The following GMDS variants were observed in gnomAD, a reference collection of about 807,000 sequenced individuals.
GMDS encodes the protein GDP-mannose 4,6 dehydratase.
In GMDS, 20 loss-of-function variants were observed where a neutral mutation model predicts 49.9. That is an observed-to-expected ratio of 0.40 (90% CI 0.28 to 0.58). The LOEUF (loss-of-function observed/expected upper bound fraction) is 0.58. GMDS is among the 20% of genes least tolerant of loss of function. The pLI, the probability that GMDS is intolerant of heterozygous loss-of-function variation, is 0.42. For missense variants in GMDS, 362 were observed against 481.4 expected, an observed-to-expected ratio of 0.75 and a Z score of 2.32; for synonymous variants, 177 against 178.6, an observed-to-expected ratio of 0.99 and a Z score of 0.07.
chr6:2,154,612 C>T (rs547219768), intron 1 of GMDS, among the ~76,000 whole-genome samples: 1 of 152,082 alleles, frequency 6.6e-6, no homozygotes, highest in East Asian at 1.9e-4. Context: ...TTAGGCCACT[C>T]GACTCCAGAC....
At chr6:2,060,769 C>T (rs899668374) in intron 4 of GMDS, among the ~76,000 whole-genome samples, 2 of 152,224 alleles carry the variant, frequency 1.3e-5, no homozygotes, top group Admixed American at 6.5e-5. Context: ...GTGACTCACA[C>T]CTGTAATCCC....
In GMDS at chr6:2,133,914, G is replaced by A. The variant is rs566660908; in HGVS notation, c.103-9183C>T. 4.6e-5 allele frequency among the ~76,000 whole-genome samples: 7 copies of A among 152,294 alleles called. No homozygotes were observed. In the East Asian group the frequency reaches 1.3e-3, roughly 29 times the overall value. ...CACAAAGAATGTTGATTTCACCGGG[G>A]TGTGGTGACTGGGGATAGGCACACC... On this transcript the variant is annotated intron_variant, in intron 1 of 10. Transcript: ENST00000380815.
At chr6:1,808,902 C>CTGTGTGTGTGTG (rs530398323) in intron 7 of GMDS, among the ~76,000 whole-genome samples, 2 of 127,246 alleles carry the variant, frequency 1.6e-5, no homozygotes, top group Admixed American at 7.7e-5. Flanking sequence ...TGCATGCTCT[C>CTGTGTGTGTGTG]TCTGTGTGTG....
intron 4 of GMDS, among the ~76,000 whole-genome samples, chr6:2,076,574 T>C (rs926695639): frequency 1.3e-5 from 2 of 152,020 alleles, no homozygotes; most frequent in African/African-American, 2.4e-5. Context: ...TATAGACCAA[T>C]GGAACAGAAC....
chr6:1,629,288 G>A (rs1457952354), intron 9 of GMDS, among the ~76,000 whole-genome samples: 1 of 152,160 alleles, frequency 6.6e-6, no homozygotes, highest in African/African-American at 2.4e-5. Context: ...TGTTAACAGC[G>A]GTAATGAACA....
At chr6:2,027,364 C>T (rs1199149929) in intron 4 of GMDS, among the ~76,000 whole-genome samples, 1 of 152,146 alleles carries the variant, frequency 6.6e-6, no homozygotes, top group Non-Finnish European at 1.5e-5. Context: ...CAACCCAGGG[C>T]TTAATTAATA....
chr6:2,016,077 A>T (rs905583734), intron 4 of GMDS, among the ~76,000 whole-genome samples: 45 of 101,018 alleles, frequency 4.5e-4, no homozygotes, highest in Admixed American at 1.4e-3. Flanking sequence ...TAAAAAAAAA[A>T]AAAATAAATT....
chr6:2,165,770 G>A (rs931383033), intron 1 of GMDS, among the ~76,000 whole-genome samples: 3 of 152,088 alleles, frequency 2.0e-5, no homozygotes, highest in African/African-American at 4.8e-5. Flanking sequence ...AAAATATATA[G>A]AGTTGAGACA....
chr6:1,728,674 T>G (rs1766679977), intron 8 of GMDS, among the ~76,000 whole-genome samples: 1 of 152,164 alleles, frequency 6.6e-6, no homozygotes, highest in Non-Finnish European at 1.5e-5. Flanking sequence ...TTTTCTTGTT[T>G]TAGGAGGGAG....
chr6:1,837,690 G>C (rs1756986591), intron 7 of GMDS, among the ~76,000 whole-genome samples: 1 of 152,192 alleles, frequency 6.6e-6, no homozygotes, highest in South Asian at 2.1e-4. Context: ...GACTGCCATA[G>C]GGGCCAAAGA....
chr6:1,780,218 A>G (rs1269546774), intron 7 of GMDS, among the ~76,000 whole-genome samples: 1 of 152,218 alleles, frequency 6.6e-6, no homozygotes, highest in Non-Finnish European at 1.5e-5. Context: ...TGTTTTCTAA[A>G]TAATGATTTC....
intron 4 of GMDS, among the ~76,000 whole-genome samples, chr6:2,106,217 T>C (rs1057500146): frequency 1.3e-5 from 2 of 152,230 alleles, no homozygotes. Context: ...ATATGATTTA[T>C]TTCTTGCTGG....
intron 7 of GMDS, among the ~76,000 whole-genome samples, chr6:1,878,476 T>C (rs547857354): frequency 6.6e-6 from 1 of 152,292 alleles, no homozygotes; most frequent in East Asian, 1.9e-4. Flanking sequence ...TTCTTGGCTC[T>C]ACGGATGTGC....
At chr6:1,674,556 CTCTCTTTTTTT>C (rs1485447482) in intron 9 of GMDS, among the ~76,000 whole-genome samples, 10 of 85,278 alleles carry the variant, frequency 1.2e-4, no homozygotes, top group African/African-American at 3.7e-4. Context: ...CTCTCTCTCT[CTCTCTTTTTTT>C]TTTTTTTTTT....
At chr6:1,667,262 C>T (rs1581433035) in intron 9 of GMDS, among the ~76,000 whole-genome samples, 1 of 152,232 alleles carries the variant, frequency 6.6e-6, no homozygotes, top group East Asian at 1.9e-4. Context: ...CCCAGCTTTT[C>T]TCCTCCCACC....
intron 9 of GMDS, among the ~76,000 whole-genome samples, chr6:1,651,434 G>A (rs1200937958): frequency 6.6e-6 from 1 of 152,200 alleles, no homozygotes; most frequent in African/African-American, 2.4e-5. Flanking sequence ...TGTTCTCCTG[G>A]AGCCTCCTTC....
chr6:2,132,680 C>T (rs1775800773), intron 1 of GMDS, among the ~76,000 whole-genome samples: 1 of 152,116 alleles, frequency 6.6e-6, no homozygotes, highest in African/African-American at 2.4e-5. Flanking sequence ...GCACAGTGCC[C>T]TGGAAAAATA....
In GMDS at chr6:1,742,448, C is replaced by T. The variant is rs759267893; in HGVS notation, c.890+20G>A. ...TACCTGCCAGAGAGCTACAAGTAGT[C>T]ATTTCTCAGGTATACTTACACAATG... On this transcript the variant is annotated intron_variant, in intron 8 of 10. Transcript: ENST00000380815. 3 of 1,362,386 alleles carry T rather than the reference C, an allele frequency of 2.2e-6. No individual in the cohort carries two copies. Among genetic ancestry groups the T allele is most frequent in the South Asian group, 2.4e-5 (2 of 85,052 alleles). 84.4% of individuals were successfully genotyped at this position (1,362,386 alleles called of 1,614,324 possible).
chr6:2,218,239 A>G (rs1780427142), intron 1 of GMDS, among the ~76,000 whole-genome samples: 1 of 152,250 alleles, frequency 6.6e-6, no homozygotes, highest in African/African-American at 2.4e-5. Context: ...AAAGTTGAGG[A>G]TTACGATGAA....
Sources: allele counts gnomAD v4.1 joint callset (sites outside exome capture counted in the v4.1 genomes callset), GRCh38; gene constraint gnomAD v4.1.1; transcripts MANE v1.5; gene names NCBI Gene and HGNC (gene_info 2026-07-23, HGNC 2026-07-21).